The following TMEM131L variants were observed in gnomAD, a reference collection of about 807,000 sequenced individuals.
TMEM131L encodes the protein transmembrane protein 131-like.
TMEM131L carries 54 observed loss-of-function variants against 192.2 expected under a neutral mutation model. The observed-to-expected ratio is 0.28, with a 90% CI of 0.23 to 0.35. The LOEUF (loss-of-function observed/expected upper bound fraction) is 0.35. Among genes scored for constraint, TMEM131L ranks in the 10% least tolerant of loss-of-function variants. The pLI, the probability that TMEM131L is intolerant of heterozygous loss-of-function variation, is 1.00. For synonymous variants in TMEM131L, 701 were observed against 704.9 expected, an observed-to-expected ratio of 0.99 and a Z score of 0.09; for missense variants, 1,888 against 1,972.9, an observed-to-expected ratio of 0.96 and a Z score of 0.82.
chr4:153,623,463 AT>A (rs1208996625), intron 29 of TMEM131L, among the ~76,000 whole-genome samples: 1 of 152,112 alleles, frequency 6.6e-6, no homozygotes, highest in Non-Finnish European at 1.5e-5. Context: ...AGTATTTTTT[AT>A]CTTGCAAAAC....
chr4:153,603,824 G>A lies in TMEM131L; in HGVS notation c.2812G>A (p.Asp938Asn), dbSNP rs544425367. 2.5e-6 allele frequency: 4 copies of A among 1,582,334 alleles called. No homozygotes were observed. The African/African-American group carries it at 4.1e-5, about 16-fold the overall frequency. Reference protein sequence around the residue: ...SYKSNCKNFLDTYGPSDKGRG... With the variant: ...SYKSNCKNFLNTYGPSDKGRG... The stretch of plus-strand genomic sequence containing the variant: ...CAGAAGCAATTGCAAGAACTTTCTC[G>A]ATACATATGGCCCCTCTGATAAAGG... Residue 938 changes from aspartate to asparagine, a missense_variant, in exon 25 of 35, where the codon GAT becomes AAT. Physicochemically the swap from Asp to Asn is conservative, Grantham distance 23 (BLOSUM62 1). Transcript: ENST00000409959.
At chr4:153,521,293 T>C (rs887557373) in intron 3 of TMEM131L, among the ~76,000 whole-genome samples, 5 of 152,276 alleles carry the variant, frequency 3.3e-5, no homozygotes, top group Admixed American at 6.5e-5. Flanking sequence ...GGGTGGTTAT[T>C]GCTCCAGGGA....
chr4:153,508,615 T>C (rs1317250987), intron 3 of TMEM131L, among the ~76,000 whole-genome samples: 2 of 152,106 alleles, frequency 1.3e-5, no homozygotes, highest in East Asian at 1.9e-4. Context: ...CAGTAAAAAT[T>C]GATGAATGAT....
chr4:153,624,162 C>A (rs1039124251), intron 29 of TMEM131L, among the ~76,000 whole-genome samples: 4 of 150,406 alleles, frequency 2.7e-5, no homozygotes, highest in Non-Finnish European at 4.4e-5. Flanking sequence ...TCTGTTGCCC[C>A]GGCTGGAGTG....
chr4:153,579,959 T>C (rs1250196987), intron 7 of TMEM131L, among the ~76,000 whole-genome samples: 3 of 152,226 alleles, frequency 2.0e-5, no homozygotes, highest in Non-Finnish European at 4.4e-5. Context: ...GCCTAGGCTT[T>C]GGAGAATGCC....
chr4:153,477,004 G>A (rs1426906100), intron 3 of TMEM131L, among the ~76,000 whole-genome samples: 2 of 152,144 alleles, frequency 1.3e-5, no homozygotes, highest in South Asian at 2.1e-4. Context: ...GGGTGTGTGG[G>A]AGCAAGAAAA....
At chr4:153,548,415 C>T (rs555876771) in intron 3 of TMEM131L, among the ~76,000 whole-genome samples, 81 of 152,154 alleles carry the variant, frequency 5.3e-4, no homozygotes, top group African/African-American at 1.9e-3. Context: ...TGCTATTCTC[C>T]TGCCTCAGCC....
At chr4:153,628,758 G>A (rs1734018444) in intron 31 of TMEM131L, among the ~76,000 whole-genome samples, 1 of 152,162 alleles carries the variant, frequency 6.6e-6, no homozygotes, top group Admixed American at 6.5e-5. Flanking sequence ...TTAATGGTGT[G>A]GAAAAATAAA....
chr4:153,498,531 G>A (rs149984256), intron 3 of TMEM131L, among the ~76,000 whole-genome samples: 2 of 152,208 alleles, frequency 1.3e-5, no homozygotes. Flanking sequence ...GTGAGAGAGC[G>A]TGTGGGTGTG....
intron 3 of TMEM131L, among the ~76,000 whole-genome samples, chr4:153,492,250 A>G (rs1732844851): frequency 6.6e-6 from 1 of 152,030 alleles, no homozygotes; most frequent in African/African-American, 2.4e-5. Flanking sequence ...CCTGCGCTCA[A>G]CAGTTCTCCC....
intron 3 of TMEM131L, among the ~76,000 whole-genome samples, chr4:153,477,581 T>G (rs1007145990): frequency 6.6e-6 from 1 of 152,104 alleles, no homozygotes; most frequent in Non-Finnish European, 1.5e-5. Flanking sequence ...ACAGTGTCCT[T>G]TTTGACGATG....
intron 3 of TMEM131L, among the ~76,000 whole-genome samples, chr4:153,490,659 A>AT (rs1325892048): frequency 6.6e-6 from 1 of 152,126 alleles, no homozygotes; most frequent in Admixed American, 6.6e-5. Context: ...AAGCTTCTAG[A>AT]TTTAAAAAAT....
chr4:153,556,986 A>G lies in TMEM131L; in HGVS notation c.453A>G (p.Lys151=). ...TTCAGGTAATTCCAGCAATGGGGAAAACTTCCTTCAGAATTATTTTCTTAC... is the reference window on the plus strand; with the variant it reads ...TTCAGGTAATTCCAGCAATGGGGAAGACTTCCTTCAGAATTATTTTCTTAC... The part of the protein sequence containing the change: ...VPCRVIPAMG[K]TSFRIIFLPT... Residue 151 remains lysine (K), a synonymous_variant, in exon 6 of 35, where the codon AAA becomes AAG. Transcript: ENST00000409959. 6.3e-7 allele frequency: 1 copy of G among 1,595,476 alleles called. No individual in the cohort carries two copies.
chr4:153,518,833 G>A (rs1324447163), intron 3 of TMEM131L, among the ~76,000 whole-genome samples: 1 of 152,174 alleles, frequency 6.6e-6, no homozygotes, highest in African/African-American at 2.4e-5. Flanking sequence ...GACTCCGGGG[G>A]ACACGTGCTG....
intron 7 of TMEM131L, among the ~76,000 whole-genome samples, chr4:153,570,597 T>C (rs1252214970): frequency 6.6e-6 from 1 of 152,150 alleles, no homozygotes; most frequent in Non-Finnish European, 1.5e-5. Flanking sequence ...GTTTTCCATG[T>C]GTGGATTTCT....
chr4:153,494,837 G>T (rs1479198602), intron 3 of TMEM131L, among the ~76,000 whole-genome samples: 1 of 152,178 alleles, frequency 6.6e-6, no homozygotes, highest in Non-Finnish European at 1.5e-5. Context: ...TTGGTTAGGG[G>T]GATATTTTAG....
At chr4:153,603,494 T>C (rs766155916) in intron 24 of TMEM131L, 42 bp downstream of exon 24, 2 of 1,562,112 alleles carry the variant, frequency 1.3e-6, no homozygotes, top group South Asian at 2.4e-5. Flanking sequence ...GGGCGGTTTC[T>C]CACTTTTGAT....
chr4:153,623,546 T>G (rs975629157), intron 29 of TMEM131L, among the ~76,000 whole-genome samples: 5 of 152,250 alleles, frequency 3.3e-5, no homozygotes, highest in African/African-American at 7.2e-5. Flanking sequence ...CCTCTTCTAC[T>G]TTCTGTGTCT....
At chr4:153,613,182 A>C (rs1406871902) in intron 26 of TMEM131L, among the ~76,000 whole-genome samples, 2 of 152,222 alleles carry the variant, frequency 1.3e-5, no homozygotes, top group East Asian at 3.8e-4. Context: ...AAATCAAGTT[A>C]ACGAAATTTA....
Sources: allele counts gnomAD v4.1 joint callset (sites outside exome capture counted in the v4.1 genomes callset), GRCh38; gene constraint gnomAD v4.1.1; transcripts MANE v1.5; gene names NCBI Gene and HGNC (gene_info 2026-07-23, HGNC 2026-07-21).